Variants in PPP1CB observed in about 807,000 individuals in gnomAD.
PPP1CB encodes protein phosphatase 1 catalytic subunit beta, also known as serine/threonine-protein phosphatase PP1-beta catalytic subunit.
Under a neutral mutation model 43.7 loss-of-function variants are expected in PPP1CB, and 2 were observed. The observed-to-expected ratio is 0.05, with a 90% CI of 0.02 to 0.14. The LOEUF is 0.14. Ranked by LOEUF, PPP1CB falls within the 10% of genes least tolerant of loss-of-function variation. The probability of loss-of-function intolerance (pLI) is 1.00; values close to 1 mark genes in which losing one functional copy is unlikely to be tolerated. For missense variants in PPP1CB, 84 were observed against 398.0 expected, an observed-to-expected ratio of 0.21 and a Z score of 6.71; for synonymous variants, 136 against 135.6, an observed-to-expected ratio of 1.00 and a Z score of -0.02.
rs928220198 is a variant in PPP1CB at position 28,779,423 on chromosome 2, A to C, written c.415+384A>C. On this transcript the variant is annotated intron_variant, in intron 3 of 7. Transcript: ENST00000395366. The stretch of plus-strand genomic sequence containing the variant: ...TCCTGTGTCACAAGAATTATTGAGA[A>C]GTTCTGTGAAACTATTTAAAAGTCA... 2.0e-5 allele frequency among the ~76,000 whole-genome samples: 3 copies of C among 152,232 alleles called. No individual in the cohort carries two copies. In the South Asian group the frequency reaches 6.2e-4, roughly 31 times the overall value.
intron 6 of PPP1CB, among the ~76,000 whole-genome samples, chr2:28,791,713 A>G (rs1667389075): frequency 6.6e-6 from 1 of 152,168 alleles, no homozygotes; most frequent in Non-Finnish European, 1.5e-5. Flanking sequence ...AGAATTGCTA[A>G]GTTTCCTAAC....
rs1264197723 is a variant in PPP1CB at position 28,802,270 on chromosome 2, C to A, written c.*2967C>A. 3 of 152,136 alleles carry A rather than the reference C, an allele frequency of 2.0e-5. No homozygotes were observed. Among genetic ancestry groups the A allele is most frequent in the African/African-American group, 7.2e-5 (3 of 41,422 alleles). The allele number at this position is 152,136 out of a possible 1,614,324, so 9.4% of individuals were successfully genotyped here. A position where few individuals can be genotyped will look rare whatever the true frequency, so the allele number is the denominator to read the frequency against. On this transcript the variant is annotated 3_prime_UTR_variant, in exon 8 of 8. Coordinates refer to ENST00000395366, the MANE Select transcript of PPP1CB (RefSeq NM_002709.3). ...CTCAGTTTATAAATTCAGGTATATT[C>A]TTTTTGTCTCCATGGCAACCATAAC...
intron 2 of PPP1CB, among the ~76,000 whole-genome samples, chr2:28,777,592 C>CT (rs1235185627): frequency 6.6e-6 from 1 of 152,028 alleles, no homozygotes; most frequent in African/African-American, 2.4e-5. Context: ...TTTTACAGTC[C>CT]TTTGTACAGT....
intron 3 of PPP1CB, among the ~76,000 whole-genome samples, chr2:28,780,052 CTTTCTTT>C (rs72249095): frequency 0.016 from 2,413 of 149,878 alleles, 67 homozygotes; most frequent in African/African-American, 0.056. Flanking sequence ...TGAAAATAGC[CTTTCTTT>C]TTTCTTTTTT....
chr2:28,753,902 T>C (rs925975579), intron 1 of PPP1CB, among the ~76,000 whole-genome samples: 20 of 151,728 alleles, frequency 1.3e-4, no homozygotes, highest in Admixed American at 3.3e-4. Flanking sequence ...GCCCGGCTAA[T>C]TTTTTTTGTA....
At chr2:28,752,729 A>C (rs922020833) in intron 1 of PPP1CB, among the ~76,000 whole-genome samples, 8 of 152,118 alleles carry the variant, frequency 5.3e-5, no homozygotes, top group African/African-American at 1.9e-4. Flanking sequence ...GATTCTTCTT[A>C]AAGAGAGGAT....
rs377667743 is a variant in PPP1CB at position 28,799,349 on chromosome 2, C to A, written c.*46C>A. ...AACCATCAGATTTGTTAAGGACATA[C>A]TTCATAATATATAAGTGTGCACTGT... On this transcript the variant is annotated 3_prime_UTR_variant, in exon 8 of 8. Coordinates refer to ENST00000395366, the MANE Select transcript of PPP1CB (RefSeq NM_002709.3). The A allele has an allele frequency of 2.2e-5, 32 of 1,440,090 alleles. No individual in the cohort carries two copies. In the African/African-American group the frequency reaches 4.5e-4, roughly 20 times the overall value. 89.2% of individuals were successfully genotyped at this position (1,440,090 alleles called of 1,614,324 possible).
intron 1 of PPP1CB, among the ~76,000 whole-genome samples, chr2:28,775,804 A>T (rs985206245): frequency 1.3e-5 from 2 of 152,162 alleles, no homozygotes; most frequent in Admixed American, 1.3e-4. Context: ...CAGTGGGGCA[A>T]ATAAGGAACT....
In PPP1CB at chr2:28,752,252, G is replaced by A. The variant is rs1666319177; in HGVS notation, c.52+76G>A. The A allele has an allele frequency of 5.3e-6, 7 of 1,316,868 alleles. No individual in the cohort carries two copies. In the South Asian group the frequency reaches 5.5e-5, roughly 10 times the overall value. The allele number at this position is 1,316,868 out of a possible 1,614,324, so 81.6% of individuals were successfully genotyped here. A position where few individuals can be genotyped will look rare whatever the true frequency, so the allele number is the denominator to read the frequency against. Reference sequence around the variant, plus strand: ...ACCCCTGCGTCCCCGTCTGCCGCCGGAACGCGAGGGGACCCCTTTCCCGCC... The same window carrying A: ...ACCCCTGCGTCCCCGTCTGCCGCCGAAACGCGAGGGGACCCCTTTCCCGCC... On this transcript the variant is annotated intron_variant, in intron 1 of 7. Coordinates refer to ENST00000395366, the MANE Select transcript of PPP1CB (RefSeq NM_002709.3).
intron 1 of PPP1CB, among the ~76,000 whole-genome samples, chr2:28,771,256 GTT>G (rs1666907726): frequency 6.6e-6 from 1 of 152,014 alleles, no homozygotes; most frequent in Non-Finnish European, 1.5e-5. Flanking sequence ...GTTTCACCAT[GTT>G]GGCCAGGCTG....
At chr2:28,762,218 G>A (rs1250884730) in intron 1 of PPP1CB, among the ~76,000 whole-genome samples, 1 of 152,204 alleles carries the variant, frequency 6.6e-6, no homozygotes, top group Non-Finnish European at 1.5e-5. Flanking sequence ...CTGGGAGGCA[G>A]AGGTTGCAGT....
intron 6 of PPP1CB, among the ~76,000 whole-genome samples, chr2:28,791,798 A>AT (rs1171115235): frequency 6.6e-6 from 1 of 152,192 alleles, no homozygotes; most frequent in East Asian, 1.9e-4. Context: ...ATAAATGATG[A>AT]TTTTTAAAAA....
intron 1 of PPP1CB, among the ~76,000 whole-genome samples, chr2:28,754,992 T>G (rs555779814): frequency 6.6e-6 from 1 of 152,314 alleles, no homozygotes; most frequent in African/African-American, 2.4e-5. Flanking sequence ...TGACTACATT[T>G]TATGAGTTGC....
At position 28,789,179 on chromosome 2, in the gene PPP1CB, T is replaced by C. The variant is rs570088831; in HGVS notation, c.744+370T>C. Among the ~76,000 whole-genome samples the C allele has an allele frequency of 6.6e-5, 10 of 152,266 alleles. No homozygotes were observed. The East Asian group carries it at 1.7e-3, about 27-fold the overall frequency. On this transcript the variant is annotated intron_variant, in intron 6 of 7. Transcript: ENST00000395366. ...CACACTTAACAATCTAGTGATTTGT[T>C]AACCTTTTATCACCCTAAAAGAGGA...
intron 7 of PPP1CB, among the ~76,000 whole-genome samples, chr2:28,797,621 TTG>T (rs1667522883): frequency 6.6e-6 from 1 of 152,146 alleles, no homozygotes; most frequent in Non-Finnish European, 1.5e-5. Context: ...GTTTCCTAGT[TTG>T]TGTGCACAGG....
At chr2:28,780,312 A>T (rs1667132290) in intron 3 of PPP1CB, among the ~76,000 whole-genome samples, 1 of 151,912 alleles carries the variant, frequency 6.6e-6, no homozygotes, top group Admixed American at 6.6e-5. Context: ...GCTGGTCTTG[A>T]ACTCCCAACC....
At chr2:28,766,850 G>C (rs958524898) in intron 1 of PPP1CB, among the ~76,000 whole-genome samples, 7 of 152,192 alleles carry the variant, frequency 4.6e-5, no homozygotes, top group African/African-American at 1.7e-4. Context: ...GGGAGGCCAA[G>C]GCAGGCAGAT....
At chr2:28,771,124 G>T (rs1479250253) in intron 1 of PPP1CB, among the ~76,000 whole-genome samples, 1 of 141,720 alleles carries the variant, frequency 7.1e-6, no homozygotes, top group Non-Finnish European at 1.5e-5. Context: ...CACGATCGTG[G>T]CTCACTGCCA....
chr2:28,783,035 C>A (rs1433626921), intron 4 of PPP1CB, among the ~76,000 whole-genome samples: 3 of 152,172 alleles, frequency 2.0e-5, no homozygotes, highest in Non-Finnish European at 4.4e-5. Context: ...TGTGATGATA[C>A]TTGGATTGCC....
Sources: gnomAD v4.1 joint callset for allele counts (sites outside exome capture counted in the v4.1 genomes callset) on GRCh38, gnomAD v4.1.1 for gene constraint, MANE v1.5 for transcripts, NCBI Gene and HGNC (gene_info 2026-07-23, HGNC 2026-07-21) for gene names.